The following PRKN variants were observed in gnomAD, a reference collection of about 807,000 sequenced individuals.
PRKN encodes parkin RBR E3 ubiquitin protein ligase.
A neutral mutation model predicts 59.5 loss-of-function variants in PRKN; 56 were observed. The observed-to-expected ratio is 0.94, with a 90% CI of 0.76 to 1.18. The LOEUF (loss-of-function observed/expected upper bound fraction) is 1.18. Among genes scored for constraint, PRKN ranks in the 50% most tolerant of loss-of-function variants. The pLI is 0.00. For missense variants in PRKN, 657 were observed against 596.4 expected (o/e 1.10, Z -1.06); for synonymous variants, 250 against 222.1 (o/e 1.13, Z -1.12).
In PRKN at chr6:161,371,326, G is replaced by A. The variant is rs1162116599; in HGVS notation, c.1168-11121C>T. On this transcript the variant is annotated intron_variant, in intron 10 of 11. Coordinates refer to ENST00000366898, the MANE Select transcript of PRKN (RefSeq NM_004562.3). The surrounding 1 kb of genome is among the most constrained non-coding windows in gnomAD (Gnocchi z 5.5). ...GTTACAGGTGCCTGCTACCACACCC[G>A]GCTACTTGGGAGGCTGAGGGAGGAG... Among the ~76,000 whole-genome samples the A allele has an allele frequency of 3.3e-5, 5 of 151,546 alleles. No homozygotes were observed. The highest frequency in any genetic ancestry group is 4.2e-4 in the South Asian group (2 of 4,804).
In PRKN at chr6:161,593,323, T is replaced by C. The variant is rs977756353; in HGVS notation, c.872-23907A>G. 6.6e-6 allele frequency among the ~76,000 whole-genome samples: 1 copy of C among 152,276 alleles called. No homozygotes were observed. The highest frequency in any genetic ancestry group is 2.1e-4 in the South Asian group (1 of 4,822). ...GCTATTGATATTTTCATTATCCCCA[T>C]TTAATGGATGAGGACAGTGAGGCAG... On this transcript the variant is annotated intron_variant, in intron 7 of 11. Transcript: ENST00000366898. This position sits in a 1 kb window ranked among gnomAD's most constrained non-coding sequence, Gnocchi z 4.8.
chr6:161,637,033 G>T (rs909466664), intron 7 of PRKN, among the ~76,000 whole-genome samples: 1 of 152,230 alleles, frequency 6.6e-6, no homozygotes, highest in East Asian at 1.9e-4. Flanking sequence ...GCAGCTCTGA[G>T]AGGCTGATGG....
chr6:161,659,260 G>A (rs1363076556), intron 7 of PRKN, among the ~76,000 whole-genome samples: 1 of 152,216 alleles, frequency 6.6e-6, no homozygotes, highest in Non-Finnish European at 1.5e-5. Flanking sequence ...CATATACGCT[G>A]TGTCACAATT....
At chr6:162,310,300 T>C (rs1782437150) in intron 2 of PRKN, among the ~76,000 whole-genome samples, 1 of 152,142 alleles carries the variant, frequency 6.6e-6, no homozygotes, top group Non-Finnish European at 1.5e-5. Context: ...AATACCATAA[T>C]AGCTTCTTCC....
At chr6:161,542,071 G>A (rs1779634819) in intron 9 of PRKN, among the ~76,000 whole-genome samples, 1 of 152,168 alleles carries the variant, frequency 6.6e-6, no homozygotes, top group Non-Finnish European at 1.5e-5. Flanking sequence ...TCAACATGAA[G>A]ATGATGAGGG....
At chr6:162,012,933 C>T (rs1164637063) in intron 5 of PRKN, among the ~76,000 whole-genome samples, 1 of 152,096 alleles carries the variant, frequency 6.6e-6, no homozygotes, top group Non-Finnish European at 1.5e-5. Context: ...CAGGTTTCTC[C>T]ACTGTTAAGG....
intron 7 of PRKN, among the ~76,000 whole-genome samples, chr6:161,587,696 A>T (rs1223817143): frequency 6.6e-6 from 1 of 152,120 alleles, no homozygotes; most frequent in Non-Finnish European, 1.5e-5. Context: ...ATCTGGTTAC[A>T]CGAGTAAGTT....
intron 4 of PRKN, among the ~76,000 whole-genome samples, chr6:162,168,471 C>T (rs771411592): frequency 3.7e-5 from 5 of 135,224 alleles, no homozygotes; most frequent in Admixed American, 1.7e-4. Flanking sequence ...ATGCATGGAA[C>T]TTGTCTATGG....
intron 1 of PRKN, among the ~76,000 whole-genome samples, chr6:162,449,466 T>C (rs1210412794): frequency 4.6e-5 from 7 of 152,248 alleles, no homozygotes; most frequent in Non-Finnish European, 1.0e-4. Context: ...TGACCTTGCA[T>C]GTGCAATTTC....
In PRKN at chr6:161,372,873, A is replaced by G. The variant is rs1192108945; in HGVS notation, c.1168-12668T>C. Among the ~76,000 whole-genome samples, 1 of 134,078 alleles carries G rather than the reference A, an allele frequency of 7.5e-6. No individual in the cohort carries two copies. The highest frequency in any genetic ancestry group is 2.2e-4 in the East Asian group (1 of 4,582). 88.0% of individuals were successfully genotyped at this position (134,078 alleles called of 152,430 possible). On this transcript the variant is annotated intron_variant, in intron 10 of 11. Transcript: ENST00000366898. The surrounding 1 kb of genome is among the most constrained non-coding windows in gnomAD (Gnocchi z 4.2). Reference sequence around the variant, plus strand: ...GAGACAGGGTCTCACTCTGTTGCCCAGGCTGGAGTGCTGTGGCAAGATCAT... The same window carrying G: ...GAGACAGGGTCTCACTCTGTTGCCCGGGCTGGAGTGCTGTGGCAAGATCAT...
At position 162,418,613 on chromosome 6, in the gene PRKN, A is replaced by AGTGTGTGTGTGTGTGTGTGTGTGTGTGT. The variant is rs140621171; in HGVS notation, c.171+24669_171+24696dup. 5.6e-3 allele frequency among the ~76,000 whole-genome samples: 712 copies of AGTGTGTGTGTGTGTGTGTGTGTGTGTGT among 126,344 alleles called. 16 individuals carry two copies. The highest frequency in any genetic ancestry group is 9.1e-3 in the African/African-American group (288 of 31,582). The allele number at this position is 126,344 out of a possible 152,430, so 82.9% of individuals were successfully genotyped here. On this transcript the variant is annotated intron_variant, in intron 2 of 11. Coordinates refer to ENST00000366898, the MANE Select transcript of PRKN (RefSeq NM_004562.3). ...AAGTGATGAAGAGAGAGGGACAGAC[A>AGTGTGTGTGTGTGTGTGTGTGTGTGTGT]GTGTGTGTGTGTGTGTGTGTGTGTG...
chr6:162,378,096 T>A (rs963686942), intron 2 of PRKN, among the ~76,000 whole-genome samples: 1 of 152,116 alleles, frequency 6.6e-6, no homozygotes, highest in East Asian at 1.9e-4. Context: ...GAAATCAAGC[T>A]AGGTTTACAA....
chr6:162,680,395 C>CTA (rs10638186), intron 1 of PRKN, among the ~76,000 whole-genome samples: 7,754 of 150,522 alleles, frequency 0.052, 650 homozygotes, highest in African/African-American at 0.18. Flanking sequence ...AACATATATA[C>CTA]TATATATATG....
chr6:162,198,567 C>T lies in PRKN; in HGVS notation c.534+2564G>A, dbSNP rs143739467. Among the ~76,000 whole-genome samples the T allele has an allele frequency of 2.3e-3, 352 of 152,104 alleles. 2 individuals are homozygous for T. The highest frequency in any genetic ancestry group is 7.8e-3 in the African/African-American group (324 of 41,482). ...TCTGGCTACTGTTCTAAGTACTCTT[C>T]GTAAATGAGCTAATCTGCACAAAAG... On this transcript the variant is annotated intron_variant, in intron 4 of 11. Coordinates refer to ENST00000366898, the MANE Select transcript of PRKN (RefSeq NM_004562.3).
chr6:162,189,176 T>C (rs1784160017), intron 4 of PRKN, among the ~76,000 whole-genome samples: 1 of 151,600 alleles, frequency 6.6e-6, no homozygotes, highest in African/African-American at 2.4e-5. Flanking sequence ...GCAAAGTTGA[T>C]TCCTATTCTA....
At chr6:162,379,377 GTA>G (rs1786305073) in intron 2 of PRKN, among the ~76,000 whole-genome samples, 1 of 152,136 alleles carries the variant, frequency 6.6e-6, no homozygotes. Context: ...GAGATTACTT[GTA>G]TTCAGCAGTT....
In PRKN at chr6:162,295,576, T is replaced by G. The variant is rs556342138; in HGVS notation, c.172-32811A>C. Among the ~76,000 whole-genome samples the G allele has an allele frequency of 1.2e-3, 183 of 152,236 alleles. 1 individual carries two copies. The highest frequency in any genetic ancestry group is 4.0e-3 in the African/African-American group (167 of 41,542). ...ATTAGGACTAATGCCATTAACTAATTGTCCAATAATTTCAGCAAAATTCAA... is the reference window on the plus strand; with the variant it reads ...ATTAGGACTAATGCCATTAACTAATGGTCCAATAATTTCAGCAAAATTCAA... On this transcript the variant is annotated intron_variant, in intron 2 of 11. Transcript: ENST00000366898.
intron 4 of PRKN, among the ~76,000 whole-genome samples, chr6:162,157,667 A>G (rs933120110): frequency 2.0e-5 from 3 of 152,030 alleles, no homozygotes; most frequent in Admixed American, 2.0e-4. Context: ...TAATCTGCTA[A>G]TGATAAAATG....
intron 1 of PRKN, among the ~76,000 whole-genome samples, chr6:162,716,848 A>T (rs1344778129): frequency 6.6e-6 from 1 of 152,006 alleles, no homozygotes; most frequent in African/African-American, 2.4e-5. Context: ...CCTTTAAGTG[A>T]CCTCACAATA....
Sources: allele counts gnomAD v4.1 joint callset (sites outside exome capture counted in the v4.1 genomes callset), GRCh38; gene constraint gnomAD v4.1.1; non-coding constraint Gnocchi (gnomAD v3.1); transcripts MANE v1.5; gene names NCBI Gene and HGNC (gene_info 2026-07-23, HGNC 2026-07-21).